FAM193A: variants seen among roughly 807,000 people sequenced by gnomAD.
FAM193A encodes family with sequence similarity 193 member A.
A neutral mutation model predicts 126.5 loss-of-function variants in FAM193A; 22 were observed. That is an observed-to-expected ratio of 0.17 (90% CI 0.12 to 0.25). The LOEUF is 0.25. FAM193A is among the 10% of genes least tolerant of loss of function. The probability of loss-of-function intolerance (pLI) is 1.00; values close to 1 mark genes in which losing one functional copy is unlikely to be tolerated. For missense variants in FAM193A, 1,675 were observed against 1,672.8 expected (o/e 1.00, Z -0.02); for synonymous variants, 761 against 646.8 (o/e 1.18, Z -2.68).
At chr4:2,620,403 TAAAA>T (rs1236816531) in intron 2 of FAM193A, among the ~76,000 whole-genome samples, 1 of 151,992 alleles carries the variant, frequency 6.6e-6, no homozygotes, top group African/African-American at 2.4e-5. Context: ...TGAAGACACA[TAAAA>T]AAACAAGAAC....
chr4:2,706,090 C>T (rs1718268462), intron 19 of FAM193A, among the ~76,000 whole-genome samples: 1 of 152,080 alleles, frequency 6.6e-6, no homozygotes. Flanking sequence ...CACCAGTAGT[C>T]TCAGCCACTT....
rs765578952 is a variant in FAM193A, at chr4:2,564,280, A to C, written c.255+27110A>C. On this transcript the variant is annotated intron_variant, in intron 1 of 20. Transcript: ENST00000637812. ...TTATTTTTTGTAGAGACGGGGTCTC[A>C]CTTTGTTGCCCAGGCTGGTCTCAAA... 4.5e-4 allele frequency among the ~76,000 whole-genome samples: 69 copies of C among 151,894 alleles called. 1 individual carries two copies. The highest frequency in any genetic ancestry group is 8.1e-4 in the Non-Finnish European group (55 of 67,986).
chr4:2,540,921 A>G lies in FAM193A; in HGVS notation c.255+3751A>G, dbSNP rs139474284. 1.5e-4 allele frequency among the ~76,000 whole-genome samples: 22 copies of G among 150,196 alleles called. No individual in the cohort carries two copies. The East Asian group carries it at 4.3e-3, about 29-fold the overall frequency. ...GGTTGCAGTGAGCCCAGATCACATC[A>G]CTACACTCTAGCCTGGGCGACAGTG... On this transcript the variant is annotated intron_variant, in intron 1 of 20. Coordinates refer to ENST00000637812, the MANE Select transcript of FAM193A (RefSeq NM_001366318.2).
chr4:2,649,473 G>A (rs1745458738), intron 7 of FAM193A, among the ~76,000 whole-genome samples: 2 of 151,704 alleles, frequency 1.3e-5, no homozygotes, highest in South Asian at 4.2e-4. Flanking sequence ...AGAAGTTTGA[G>A]ATCAGCCTGG....
chr4:2,598,053 C>T (rs569248511), intron 2 of FAM193A, among the ~76,000 whole-genome samples: 7 of 152,198 alleles, frequency 4.6e-5, no homozygotes, highest in South Asian at 2.1e-4. Context: ...TACAGGCACG[C>T]GCCACCATGC....
chr4:2,556,343 C>G (rs536094822), intron 1 of FAM193A, among the ~76,000 whole-genome samples: 1 of 152,192 alleles, frequency 6.6e-6, no homozygotes, highest in South Asian at 2.1e-4. Flanking sequence ...GTAGCTGGGA[C>G]TACAGGTACG....
At position 2,616,691 on chromosome 4, in the gene FAM193A, C is replaced by A. The variant is rs193259572; in HGVS notation, c.502-8571C>A. On this transcript the variant is annotated intron_variant, in intron 2 of 20. Coordinates refer to ENST00000637812, the MANE Select transcript of FAM193A (RefSeq NM_001366318.2). ...TCTCCCACCTCAGCCTCCCAAGTAG[C>A]TGGGACCACAGGCACCCACCACCAC... Among the ~76,000 whole-genome samples the A allele has an allele frequency of 6.3e-4, 96 of 152,044 alleles. No individual in the cohort carries two copies. In the East Asian group the frequency reaches 0.018, roughly 29 times the overall value.
chr4:2,689,978 G>C (rs1716176548), intron 14 of FAM193A, among the ~76,000 whole-genome samples: 1 of 152,234 alleles, frequency 6.6e-6, no homozygotes, highest in African/African-American at 2.4e-5. Flanking sequence ...CCTCAGCGCT[G>C]CTGAGGGTCT....
intron 10 of FAM193A, 143 bp downstream of exon 10, chr4:2,660,197 T>G (rs1253362290): frequency 1.2e-5 from 10 of 845,276 alleles, no homozygotes; most frequent in African/African-American, 3.4e-5. Context: ...ATGCAGCTTT[T>G]AAAACATGAA....
chr4:2,706,291 CT>C (rs59143784), intron 19 of FAM193A, among the ~76,000 whole-genome samples: 249 of 108,594 alleles, frequency 2.3e-3, no homozygotes, highest in African/African-American at 6.6e-3. Context: ...TTCTTTCTTT[CT>C]TTTTTTTTTT....
intron 1 of FAM193A, among the ~76,000 whole-genome samples, chr4:2,553,191 A>G (rs1738047797): frequency 1.3e-5 from 2 of 151,790 alleles, no homozygotes; most frequent in Non-Finnish European, 2.9e-5. Context: ...CTAGCTGGGT[A>G]TGGTGTTGTA....
chr4:2,690,667 G>C (rs1716267360), intron 14 of FAM193A, 31 bp from the exon 15 acceptor site: 8 of 1,587,464 alleles, frequency 5.0e-6, no homozygotes, highest in Non-Finnish European at 6.9e-6. Flanking sequence ...ATTGCTGTCA[G>C]AAGCCTTAAT....
At chr4:2,568,321 A>G (rs1023852030) in intron 1 of FAM193A, among the ~76,000 whole-genome samples, 8 of 152,286 alleles carry the variant, frequency 5.3e-5, no homozygotes, top group African/African-American at 1.4e-4. Flanking sequence ...TGAATCAAGT[A>G]AGATACAGAA....
chr4:2,723,836 G>GTCTC, intron 20 of FAM193A, among the ~76,000 whole-genome samples: 1 of 152,168 alleles, frequency 6.6e-6, no homozygotes, highest in East Asian at 1.9e-4. Context: ...TTGAGACAGG[G>GTCTC]TCTCACTCCA....
intron 1 of FAM193A, among the ~76,000 whole-genome samples, chr4:2,561,329 G>A (rs963919427): frequency 1.3e-5 from 2 of 150,340 alleles, no homozygotes; most frequent in East Asian, 2.0e-4. Flanking sequence ...GTACAGGTGC[G>A]TACAACCATG....
chr4:2,654,864 G>A (rs1266578621), intron 7 of FAM193A: 2 of 433,870 alleles, frequency 4.6e-6, no homozygotes, highest in Non-Finnish European at 8.3e-6. Context: ...TGTGTTTAAA[G>A]CATTCATGCT....
In FAM193A at chr4:2,566,051, C is replaced by CT. The variant is rs564664549; in HGVS notation, c.255+28895dup. Among the ~76,000 whole-genome samples the CT allele has an allele frequency of 7.0e-3, 1,002 of 142,616 alleles. 5 individuals carry two copies. Among genetic ancestry groups the CT allele is most frequent in the Non-Finnish European group, 0.01 (656 of 65,130 alleles). 93.6% of individuals were successfully genotyped at this position (142,616 alleles called of 152,430 possible). ...CATTTTAACAATGAGTGGAAAATTG[C>CT]TTTTTTTTTTTTTTGAGACGGAGTC... On this transcript the variant is annotated intron_variant, in intron 1 of 20. Coordinates refer to ENST00000637812, the MANE Select transcript of FAM193A (RefSeq NM_001366318.2).
At chr4:2,691,121 G>C (rs564820579) in intron 15 of FAM193A, 151 bp downstream of exon 15, 21 of 672,538 alleles carry the variant, frequency 3.1e-5, no homozygotes, top group South Asian at 1.2e-4. Context: ...CTCACACACA[G>C]AGAGCTGATC....
intron 2 of FAM193A, chr4:2,607,819 G>T: frequency 1.8e-6 from 1 of 564,406 alleles, no homozygotes. Context: ...TTTTCTTATT[G>T]ACTTGTGGGA....
Sources: allele counts gnomAD v4.1 joint callset (sites outside exome capture counted in the v4.1 genomes callset), GRCh38; gene constraint gnomAD v4.1.1; transcripts MANE v1.5; gene names NCBI Gene and HGNC (gene_info 2026-07-23, HGNC 2026-07-21).